PCNT: variants seen among roughly 807,000 people sequenced by gnomAD.
PCNT encodes the protein kendrin.
A neutral mutation model predicts 380.4 loss-of-function variants in PCNT; 319 were observed. The observed-to-expected ratio is 0.84, with a 90% CI of 0.77 to 0.92. PCNT has a LOEUF of 0.92. Among genes scored for constraint, PCNT ranks in the 40% least tolerant of loss-of-function variants. The pLI is 0.00. For synonymous variants in PCNT, 1,845 were observed against 1,735.2 expected (o/e 1.06, Z -1.57); for missense variants, 4,400 against 4,255.3 (o/e 1.03, Z -0.95).
chr21:46,438,211 G>T lies in PCNT; in HGVS notation c.9147G>T (p.Leu3049=), dbSNP rs1295879981. 1 of 1,614,218 alleles carries T rather than the reference G, an allele frequency of 6.2e-7. No homozygotes were observed. Among genetic ancestry groups the T allele is most frequent in the Admixed American group, 1.7e-5 (1 of 60,034 alleles). The change falls in exon 41 of 47, where the codon CTG becomes CTT. Residue 3049 remains leucine (L), a synonymous_variant. Transcript: ENST00000359568. ...AGTTCCAGTTTGTGGACGTCCTGCT[G>T]AAAGACAATGTTTCCCTCACAAAAG... The part of the protein sequence containing the change: ...ELQFQFVDVL[L]KDNVSLTKAL...
At chr21:46,387,951 T>C (rs955158299) in intron 17 of PCNT, among the ~76,000 whole-genome samples, 33 of 151,764 alleles carry the variant, frequency 2.2e-4, no homozygotes, top group Non-Finnish European at 1.2e-4. Context: ...TGGCTCACGC[T>C]TGTAATCCCA....
At position 46,417,184 on chromosome 21, in the gene PCNT, C is replaced by T. The variant is rs1392801775; in HGVS notation, c.6921+345C>T. Among the ~76,000 whole-genome samples, 59 of 73,354 alleles carry T rather than the reference C, an allele frequency of 8.0e-4. 1 individual carries two copies. Among genetic ancestry groups the T allele is most frequent in the Non-Finnish European group, 1.0e-3 (40 of 40,170 alleles). The allele number at this position is 73,354 out of a possible 152,430, so 48.1% of individuals were successfully genotyped here. ...TTAGATTTATTTTTAGGAATGCTTCCTTTTTTTTTTTTTTTTTTTTTTTTT... is the reference window on the plus strand; with the variant it reads ...TTAGATTTATTTTTAGGAATGCTTCTTTTTTTTTTTTTTTTTTTTTTTTTT... On this transcript the variant is annotated intron_variant, in intron 30 of 46. Transcript: ENST00000359568.
intron 42 of PCNT, 87 bp downstream of exon 42, chr21:46,440,289 A>G: frequency 7.0e-7 from 1 of 1,433,754 alleles, no homozygotes; most frequent in Non-Finnish European, 9.7e-7. Context: ...TTGTGACCAC[A>G]AGGTTCTCGT....
At chr21:46,394,105 C>A (rs2086127472) in intron 21 of PCNT, among the ~76,000 whole-genome samples, 1 of 152,254 alleles carries the variant, frequency 6.6e-6, no homozygotes, top group South Asian at 2.1e-4. Flanking sequence ...TCTTTCCTTT[C>A]ACCCTGGCTC....
At chr21:46,325,063 G>T in intron 1 of PCNT, 1 of 985,522 alleles carries the variant, frequency 1.0e-6, no homozygotes, top group South Asian at 4.7e-5. Context: ...TCCCGCCCCG[G>T]GTTTCTCCGT....
At position 46,444,756 on chromosome 21, in the gene PCNT, A is replaced by AT. The variant is rs1569317592; in HGVS notation, c.9904dup (p.Ser3302PhefsTer34). 1.9e-6 allele frequency: 3 copies of AT among 1,612,852 alleles called. No individual in the cohort carries two copies. Among genetic ancestry groups the AT allele is most frequent in the Admixed American group, 3.3e-5 (2 of 59,972 alleles). On this transcript the variant is annotated frameshift_variant, in exon 46 of 47. Coordinates refer to ENST00000359568, the MANE Select transcript of PCNT (RefSeq NM_006031.6). LOFTEE classifies it high-confidence loss of function. ...CTGACTGCTTCTCAAGATCCAGAAC[A>AT]TTCCTTGACAGAGTATATTCACCAT...
chr21:46,440,490 G>A (rs994666995), intron 42 of PCNT, among the ~76,000 whole-genome samples: 5 of 152,364 alleles, frequency 3.3e-5, no homozygotes, highest in Non-Finnish European at 7.3e-5. Context: ...GGGGCTTGCC[G>A]GGATTCGGCC....
Position 46,400,998 on chromosome 21 carries a change from C to T in PCNT, c.4792-553C>T, listed in dbSNP as rs79251540. On this transcript the variant is annotated intron_variant, in intron 25 of 46. Transcript: ENST00000359568. Reference sequence around the variant, plus strand: ...CATTTCAGTGACAGCTGCTCCAGGGCGGCTTCACCCCTTCTGCCTTCACTC... The same window carrying T: ...CATTTCAGTGACAGCTGCTCCAGGGTGGCTTCACCCCTTCTGCCTTCACTC... 7.0e-3 allele frequency among the ~76,000 whole-genome samples: 1,068 copies of T among 152,356 alleles called. 9 individuals carry two copies. Among genetic ancestry groups the T allele is most frequent in the African/African-American group, 0.024 (994 of 41,586 alleles).
chr21:46,363,902 C>G lies in PCNT; in HGVS notation c.2577C>G (p.Asp859Glu), dbSNP rs2084807072. ...GELAALHVKE[D>E]CALQLMLARS... ...TTGCTGCGCTCCACGTGAAGGAAGA[C>G]TGCGCCCTGCAGCTGATGCTGGCCC... Residue 859 changes from aspartate (D) to glutamate (E), a missense_variant, in exon 14 of 47, where the codon GAC becomes GAG. Physicochemically the swap from Asp to Glu is conservative, Grantham distance 45 (BLOSUM62 2). Coordinates refer to ENST00000359568, the MANE Select transcript of PCNT (RefSeq NM_006031.6). 1 of 1,610,806 alleles carries G rather than the reference C, an allele frequency of 6.2e-7. No homozygotes were observed.
chr21:46,397,940 C>A (rs564652800), intron 22 of PCNT, 74 bp from the exon 23 acceptor site: 3 of 1,152,072 alleles, frequency 2.6e-6, no homozygotes, highest in African/African-American at 1.5e-5. Flanking sequence ...GCAGTGGAAG[C>A]CTGGGTGGAC....
At chr21:46,439,950 G>A in intron 41 of PCNT, 133 bp from the exon 42 acceptor site, 1 of 1,017,236 alleles carries the variant, frequency 9.8e-7, no homozygotes, top group Non-Finnish European at 1.6e-6. Flanking sequence ...AAGTTGAGGA[G>A]GGGCCAGGTG....
intron 29 of PCNT, among the ~76,000 whole-genome samples, chr21:46,415,642 C>G (rs934918175): frequency 2.6e-5 from 4 of 152,206 alleles, no homozygotes; most frequent in Non-Finnish European, 4.4e-5. Context: ...CTCAGCCTCC[C>G]AAAATGCTAG....
intron 15 of PCNT, among the ~76,000 whole-genome samples, chr21:46,373,287 G>C (rs1286151622): frequency 6.6e-6 from 1 of 152,188 alleles, no homozygotes. Context: ...AAAGTGCTGG[G>C]ACCATAGGCG....
At position 46,334,479 on chromosome 21, in the gene PCNT, G is replaced by A. The variant is rs544254673; in HGVS notation, c.350G>A (p.Cys117Tyr). Residue 117 changes from cysteine (C) to tyrosine (Y), a missense_variant, in exon 3 of 47, where the codon TGT (cysteine) becomes TAT (tyrosine). Physicochemically the swap from Cys to Tyr is radical, Grantham distance 194. Transcript: ENST00000359568. ...KQVNDHPPEQ[C>Y]GMFTVSDHPP... is the part of the protein sequence containing the mutation. ...GTCAATGACCATCCTCCAGAGCAGT[G>A]TGGGATGTTCACAGTCAGTGACCAC... 1.9e-6 allele frequency: 3 copies of A among 1,614,010 alleles called. No individual in the cohort carries two copies. The highest frequency in any genetic ancestry group is 2.5e-6 in the Non-Finnish European group (3 of 1,180,010).
intron 3 of PCNT, among the ~76,000 whole-genome samples, chr21:46,337,931 C>T (rs978029186): frequency 4.6e-5 from 7 of 151,552 alleles, no homozygotes; most frequent in African/African-American, 1.7e-4. Flanking sequence ...TGTAGTGCAG[C>T]GGTACAATCT....
At chr21:46,440,003 C>T in intron 41 of PCNT, 80 bp from the exon 42 acceptor site, 2 of 1,582,112 alleles carry the variant, frequency 1.3e-6, no homozygotes, top group Non-Finnish European at 1.7e-6. Flanking sequence ...CCTTCTCCCT[C>T]ACCTGCCCCC....
intron 15 of PCNT, among the ~76,000 whole-genome samples, chr21:46,378,986 C>T (rs535843401): frequency 5.3e-5 from 8 of 152,336 alleles, no homozygotes; most frequent in Admixed American, 2.6e-4. Context: ...TCGTTACCTG[C>T]ACTACTGCTG....
At chr21:46,349,888 G>T in intron 8 of PCNT, 68 bp downstream of exon 8, 1 of 1,437,448 alleles carries the variant, frequency 7.0e-7, no homozygotes, top group Non-Finnish European at 9.8e-7. Flanking sequence ...TTGGAATTGG[G>T]CTATTTCGTA....
intron 29 of PCNT, among the ~76,000 whole-genome samples, chr21:46,415,661 G>A (rs1244024351): frequency 1.3e-5 from 2 of 152,108 alleles, no homozygotes; most frequent in Non-Finnish European, 2.9e-5. Context: ...AGGATTACAG[G>A]CGTGAGCCAC....
Sources: allele counts gnomAD v4.1 joint callset (sites outside exome capture counted in the v4.1 genomes callset), GRCh38; gene constraint gnomAD v4.1.1; transcripts MANE v1.5; gene names NCBI Gene and HGNC (gene_info 2026-07-23, HGNC 2026-07-21).